The following THADA variants were observed in gnomAD, a reference collection of about 807,000 sequenced individuals.
THADA encodes tRNA (32-2'-O)-methyltransferase regulator THADA.
In THADA, 213 loss-of-function variants were observed where a neutral mutation model predicts 219.8. The observed-to-expected ratio is 0.97, with a 90% confidence interval of 0.87 to 1.09. The LOEUF is 1.09. Ranked by LOEUF, THADA falls within the 50% of genes least tolerant of loss-of-function variation. The pLI is 0.00. For synonymous variants in THADA, 1,018 were observed against 828.9 expected, an observed-to-expected ratio of 1.23 and a Z score of -3.92; for missense variants, 2,956 against 2,311.3, an observed-to-expected ratio of 1.28 and a Z score of -5.72.
chr2:43,282,910 T>A (rs1455171272), intron 35 of THADA, among the ~76,000 whole-genome samples: 1 of 152,182 alleles, frequency 6.6e-6, no homozygotes, highest in African/African-American at 2.4e-5. Context: ...GATCTGTACA[T>A]CCATTTAATT....
At chr2:43,309,409 C>G (rs568137168) in intron 31 of THADA, among the ~76,000 whole-genome samples, 8 of 152,138 alleles carry the variant, frequency 5.3e-5, no homozygotes, top group Non-Finnish European at 1.2e-4. Flanking sequence ...GCATTATTCA[C>G]GATCTCCAAA....
chr2:43,541,222 C>A lies in THADA; in HGVS notation c.3201G>T (p.Leu1067Phe), dbSNP rs748583935. The change falls in exon 21 of 38, where the codon TTG (leucine) becomes TTT (phenylalanine). Residue 1067 changes from leucine (L) to phenylalanine (F), a missense_variant. Physicochemically the swap from Leu to Phe is conservative, Grantham distance 22 (BLOSUM62 0). Transcript: ENST00000405975. The stretch of plus-strand genomic sequence containing the variant: ...CAGGCTGCATGGGCAGAAGCTGGCA[C>A]AACATGCCTAAAAGTAAAGCAACTT... ...MKEVALLLGMLCQLLPMQPVP... is the reference protein window; with the variant it reads ...MKEVALLLGMFCQLLPMQPVP... 6.2e-7 allele frequency: 1 copy of A among 1,611,492 alleles called. No individual in the cohort carries two copies. The highest frequency in any genetic ancestry group is 1.1e-5 in the South Asian group (1 of 90,376).
intron 30 of THADA, among the ~76,000 whole-genome samples, chr2:43,330,143 G>A (rs1679791903): frequency 6.6e-6 from 1 of 152,198 alleles, no homozygotes; most frequent in South Asian, 2.1e-4. Context: ...ACTGCACTGT[G>A]TTTTCTGGCT....
intron 36 of THADA, among the ~76,000 whole-genome samples, chr2:43,270,737 C>T (rs563130861): frequency 1.3e-5 from 2 of 152,280 alleles, no homozygotes; most frequent in South Asian, 4.1e-4. Context: ...ATCCCAGCTA[C>T]TCAGGAGGCT....
intron 26 of THADA, among the ~76,000 whole-genome samples, chr2:43,455,516 TCTCACA>T (rs898047923): frequency 1.1e-4 from 13 of 113,544 alleles, no homozygotes; most frequent in South Asian, 1.0e-3. Flanking sequence ...TCTCTCTCTC[TCTCACA>T]CACACACACA....
intron 26 of THADA, among the ~76,000 whole-genome samples, chr2:43,445,014 G>A (rs1349939305): frequency 6.6e-6 from 1 of 152,106 alleles, no homozygotes; most frequent in East Asian, 1.9e-4. Flanking sequence ...CCAAAGCCTG[G>A]GGGTTTTCAG....
At position 43,570,388 on chromosome 2, in the gene THADA, C is replaced by A; in HGVS notation, c.2187G>T (p.Lys729Asn). The A allele has an allele frequency of 6.2e-7, 1 of 1,607,938 alleles. No individual in the cohort carries two copies. The highest frequency in any genetic ancestry group is 8.5e-7 in the Non-Finnish European group (1 of 1,178,062). Residue 729 changes from lysine (K) to asparagine (N), a missense_variant and splice_region_variant, in exon 14 of 38, where the codon AAG becomes AAT. Transcript: ENST00000405975. ...TCATGTTTAGAAATATATCACCTAC[C>A]TTATACTGCTGTAAAGAAACAGAAG... ...QHPSVSLQQYKNFMSSICNSL... is the reference protein window; with the variant it reads ...QHPSVSLQQYNNFMSSICNSL...
rs562993493 is a variant in THADA, at chr2:43,385,594, G to A, written c.4227+12377C>T. Among the ~76,000 whole-genome samples the A allele has an allele frequency of 4.9e-4, 63 of 127,824 alleles. No homozygotes were observed. In the East Asian group the frequency reaches 0.012, roughly 24 times the overall value. The allele number at this position is 127,824 out of a possible 152,430, so 83.9% of individuals were successfully genotyped here. On this transcript the variant is annotated intron_variant, in intron 29 of 37. Transcript: ENST00000405975. Reference sequence around the variant, plus strand: ...TGCACTCCAGCCTGGGCAACAGAGCGAGACTCCGTCTCAAAAAAAAAAAAA... The same window carrying A: ...TGCACTCCAGCCTGGGCAACAGAGCAAGACTCCGTCTCAAAAAAAAAAAAA...
At chr2:43,372,897 T>A (rs1385861150) in intron 29 of THADA, among the ~76,000 whole-genome samples, 1 of 152,022 alleles carries the variant, frequency 6.6e-6, no homozygotes, top group African/African-American at 2.4e-5. Flanking sequence ...AGAGACGAGG[T>A]TTCACTATGT....
intron 31 of THADA, among the ~76,000 whole-genome samples, chr2:43,297,857 C>A (rs1675730080): frequency 8.4e-6 from 1 of 119,520 alleles, no homozygotes; most frequent in Non-Finnish European, 1.7e-5. Flanking sequence ...GCCAGCCGCC[C>A]CGTCCGGGAG....
At chr2:43,444,523 T>C (rs980995818) in intron 26 of THADA, among the ~76,000 whole-genome samples, 1 of 152,216 alleles carries the variant, frequency 6.6e-6, no homozygotes, top group Non-Finnish European at 1.5e-5. Flanking sequence ...TTGGCCATTT[T>C]GGTAGGCTTT....
intron 21 of THADA, among the ~76,000 whole-genome samples, chr2:43,540,159 C>A (rs1695113088): frequency 6.6e-6 from 1 of 152,208 alleles, no homozygotes; most frequent in Admixed American, 6.5e-5. Context: ...TTGGCATTGG[C>A]ACTACAGCCA....
At chr2:43,277,059 C>A (rs976638550) in intron 36 of THADA, among the ~76,000 whole-genome samples, 3 of 152,132 alleles carry the variant, frequency 2.0e-5, no homozygotes, top group Admixed American at 6.5e-5. Context: ...TTGCTGCCAG[C>A]CCCCAGCTGA....
chr2:43,289,070 T>C (rs1454702292), intron 34 of THADA, among the ~76,000 whole-genome samples: 3 of 152,360 alleles, frequency 2.0e-5, no homozygotes, highest in East Asian at 1.9e-4. Flanking sequence ...AGATAATATG[T>C]AGTCTTTTAT....
intron 29 of THADA, among the ~76,000 whole-genome samples, chr2:43,379,748 A>G (rs1671781394): frequency 6.6e-6 from 1 of 152,276 alleles, no homozygotes; most frequent in South Asian, 2.1e-4. Flanking sequence ...ACAAATATGT[A>G]TAGTACCTTT....
At chr2:43,427,503 TTGTGTGTG>T (rs70963397) in intron 28 of THADA, among the ~76,000 whole-genome samples, 28 of 140,628 alleles carry the variant, frequency 2.0e-4, no homozygotes, top group East Asian at 8.2e-4. Context: ...CTCCCAAAGT[TTGTGTGTG>T]TGTGTGTGTG....
rs1191321773 is a variant in THADA, at chr2:43,498,951, T to C, written c.3626A>G (p.His1209Arg). 2 of 1,562,860 alleles carry C rather than the reference T, an allele frequency of 1.3e-6. No homozygotes were observed. Among genetic ancestry groups the C allele is most frequent in the Non-Finnish European group, 1.7e-6 (2 of 1,152,828 alleles). ...CAATGCTCTAAGGATATTTAAAGCA[T>C]GAACCTAAAACAAGAAGTTCAAAAT... is the stretch of plus-strand genomic sequence containing the variant. ...DDIQSTVPQVHALNILRALFR... is the reference protein window; with the variant it reads ...DDIQSTVPQVRALNILRALFR... The change falls in exon 25 of 38, where the codon CAT (histidine) becomes CGT (arginine). Residue 1209 changes from histidine to arginine, a missense_variant. His to Arg is a conservative substitution (Grantham distance 29). Transcript: ENST00000405975.
intron 26 of THADA, among the ~76,000 whole-genome samples, chr2:43,456,971 T>C (rs77039549): frequency 0.044 from 6,698 of 152,292 alleles, 204 homozygotes; most frequent in Middle Eastern, 0.099. Context: ...TAAAAAATTT[T>C]ACACAGCATT....
chr2:43,318,627 G>A (rs1558571992), intron 31 of THADA, among the ~76,000 whole-genome samples: 1 of 152,120 alleles, frequency 6.6e-6, no homozygotes, highest in Non-Finnish European at 1.5e-5. Context: ...TAGAGCTATG[G>A]TTGTCATACT....
Sources: gnomAD v4.1 joint callset for allele counts (sites outside exome capture counted in the v4.1 genomes callset) on GRCh38, gnomAD v4.1.1 for gene constraint, MANE v1.5 for transcripts, NCBI Gene and HGNC (gene_info 2026-07-23, HGNC 2026-07-21) for gene names.